The following NAALADL2 variants were observed in gnomAD, a reference collection of about 807,000 sequenced individuals.
The protein encoded by NAALADL2 is N-acetylated alpha-linked acidic dipeptidase like 2.
In NAALADL2, 76 loss-of-function variants were observed where a neutral mutation model predicts 87.2. The ratio of observed to expected loss-of-function variants is 0.87; its 90% CI spans 0.72 to 1.05. The LOEUF is 1.05. NAALADL2 is among the 50% of genes least tolerant of loss of function. NAALADL2 has a pLI of 0.00. For missense variants in NAALADL2, 1,089 were observed against 945.8 expected, an observed-to-expected ratio of 1.15 and a Z score of -1.99; for synonymous variants, 354 against 331.0, an observed-to-expected ratio of 1.07 and a Z score of -0.75.
At chr3:175,176,857 G>T (rs756617805) in intron 2 of NAALADL2, among the ~76,000 whole-genome samples, 2 of 151,938 alleles carry the variant, frequency 1.3e-5, no homozygotes, top group Non-Finnish European at 2.9e-5. Context: ...TGATTTTAGC[G>T]CCACAAAATC....
chr3:175,323,660 G>GA (rs61581126), intron 4 of NAALADL2, among the ~76,000 whole-genome samples: 31,783 of 141,834 alleles, frequency 0.22, 3,828 homozygotes, highest in East Asian at 0.46. Context: ...AAAACCGGAG[G>GA]AAAAAAAAAA....
Position 175,263,594 on chromosome 3 carries a change from T to C in NAALADL2, c.939+7064T>C, listed in dbSNP as rs1247142314. Among the ~76,000 whole-genome samples the C allele has an allele frequency of 3.3e-5, 5 of 152,000 alleles. No individual in the cohort carries two copies. The South Asian group carries it at 6.2e-4, about 19-fold the overall frequency. ...AGGTTGATTTTCGCATATTTCTTAT[T>C]GTAATATAGTTAGCATTCATAATCC... On this transcript the variant is annotated intron_variant, in intron 4 of 13. Transcript: ENST00000454872.
intron 2 of NAALADL2, among the ~76,000 whole-genome samples, chr3:174,683,883 T>C (rs1560142337): frequency 1.3e-5 from 2 of 152,082 alleles, no homozygotes; most frequent in African/African-American, 2.4e-5. Flanking sequence ...GAGTGTATAA[T>C]ATGCAGGCTG....
chr3:174,827,560 G>T (rs1579093614), intron 3 of NAALADL2, among the ~76,000 whole-genome samples: 1 of 152,132 alleles, frequency 6.6e-6, no homozygotes, highest in East Asian at 1.9e-4. Context: ...GGCCCACTAG[G>T]ATAATCCCAG....
At chr3:175,793,110 T>A (rs575538096) in intron 13 of NAALADL2, among the ~76,000 whole-genome samples, 1 of 152,280 alleles carries the variant, frequency 6.6e-6, no homozygotes, top group Admixed American at 6.5e-5. Flanking sequence ...ATCAACATTA[T>A]GACAATTGAG....
intron 4 of NAALADL2, among the ~76,000 whole-genome samples, chr3:175,261,234 T>C (rs141254746): frequency 0.018 from 2,686 of 152,204 alleles, 67 homozygotes; most frequent in African/African-American, 0.061. Flanking sequence ...GTAAAACAGA[T>C]ACCGAGACCC....
At chr3:174,618,687 C>T (rs1028788520) in intron 2 of NAALADL2, among the ~76,000 whole-genome samples, 5 of 151,728 alleles carry the variant, frequency 3.3e-5, no homozygotes, top group African/African-American at 7.2e-5. Flanking sequence ...CTTTATTTGG[C>T]GATCACAACC....
chr3:175,761,791 A>G (rs780869931), intron 13 of NAALADL2, among the ~76,000 whole-genome samples: 2 of 152,190 alleles, frequency 1.3e-5, no homozygotes, highest in East Asian at 1.9e-4. Flanking sequence ...TGCCGTCTAT[A>G]TATTTTATTT....
At chr3:175,010,101 A>AT (rs1749584649) in intron 1 of NAALADL2, among the ~76,000 whole-genome samples, 1 of 152,034 alleles carries the variant, frequency 6.6e-6, no homozygotes. Flanking sequence ...GTGGATCTTG[A>AT]TTAACTCCAC....
intron 3 of NAALADL2, among the ~76,000 whole-genome samples, chr3:175,252,481 CCCTCCCTCTCCTGGG>C (rs1485159875): frequency 1.4e-4 from 21 of 152,060 alleles, no homozygotes; most frequent in Admixed American, 5.2e-4. Context: ...TTTGCCATCT[CCCTCCCTCTCCTGGG>C]CCTCCCTCTC....
At chr3:174,828,884 A>G (rs908139642) in intron 3 of NAALADL2, among the ~76,000 whole-genome samples, 5 of 152,200 alleles carry the variant, frequency 3.3e-5, no homozygotes, top group African/African-American at 1.2e-4. Flanking sequence ...AAAATGCTCT[A>G]CATTGATAGA....
intron 2 of NAALADL2, among the ~76,000 whole-genome samples, chr3:175,233,238 T>C (rs1421908303): frequency 4.6e-5 from 7 of 152,208 alleles, no homozygotes; most frequent in Non-Finnish European, 7.3e-5. Flanking sequence ...GTCAATCATA[T>C]TGTTTTAAAT....
intron 1 of NAALADL2, among the ~76,000 whole-genome samples, chr3:175,042,919 G>C (rs1414133264): frequency 6.6e-6 from 1 of 151,850 alleles, no homozygotes; most frequent in African/African-American, 2.4e-5. Context: ...TATTAGTTCA[G>C]ACCCATGAGA....
At chr3:174,877,924 A>G (rs1440839591) in intron 1 of NAALADL2, among the ~76,000 whole-genome samples, 1 of 152,088 alleles carries the variant, frequency 6.6e-6, no homozygotes, top group Non-Finnish European at 1.5e-5. Flanking sequence ...ATAACTGGTT[A>G]GGGATGATAT....
intron 1 of NAALADL2, among the ~76,000 whole-genome samples, chr3:174,478,447 G>T (rs1457144283): frequency 6.6e-6 from 1 of 151,900 alleles, no homozygotes; most frequent in Admixed American, 6.6e-5. Flanking sequence ...TAATGTTTAT[G>T]ATATAACTTG....
At chr3:175,147,624 G>A (rs1014394619) in intron 2 of NAALADL2, among the ~76,000 whole-genome samples, 18 of 152,074 alleles carry the variant, frequency 1.2e-4, no homozygotes, top group Non-Finnish European at 1.8e-4. Context: ...GGGATTACTC[G>A]GTTGAATGAT....
intron 1 of NAALADL2, among the ~76,000 whole-genome samples, chr3:175,080,208 A>G (rs139226680): frequency 0.05 from 7,623 of 152,152 alleles, 635 homozygotes; most frequent in African/African-American, 0.17. Context: ...CTCGTGATCC[A>G]CGCACCTCGG....
At chr3:175,116,683 C>A (rs531568788) in intron 2 of NAALADL2, among the ~76,000 whole-genome samples, 78 of 152,026 alleles carry the variant, frequency 5.1e-4, no homozygotes, top group African/African-American at 1.8e-3. Flanking sequence ...GATTCAATGC[C>A]ATCCCCATCA....
chr3:175,792,360 ACCT>A (rs1376628859), intron 13 of NAALADL2, among the ~76,000 whole-genome samples: 1 of 152,210 alleles, frequency 6.6e-6, no homozygotes, highest in African/African-American at 2.4e-5. Flanking sequence ...TTTCATTAAT[ACCT>A]CAAGCTTTGT....
Sources: allele counts gnomAD v4.1 joint callset (sites outside exome capture counted in the v4.1 genomes callset), GRCh38; gene constraint gnomAD v4.1.1; transcripts MANE v1.5; gene names NCBI Gene and HGNC (gene_info 2026-07-23, HGNC 2026-07-21).